Variants in CDK15 observed in about 807,000 individuals in gnomAD.
CDK15 encodes the protein cyclin-dependent kinase 15.
CDK15 carries 62 observed loss-of-function variants against 60.3 expected under a neutral mutation model. The observed-to-expected ratio is 1.03, with a 90% confidence interval of 0.84 to 1.27. The LOEUF (loss-of-function observed/expected upper bound fraction) is 1.27. Among genes scored for constraint, CDK15 ranks in the 50% most tolerant of loss-of-function variants. The pLI is 0.00. For synonymous variants in CDK15, 194 were observed against 195.7 expected, an observed-to-expected ratio of 0.99 and a Z score of 0.07; for missense variants, 541 against 527.8, an observed-to-expected ratio of 1.03 and a Z score of -0.25.
intron 9 of CDK15, among the ~76,000 whole-genome samples, chr2:201,852,808 A>G (rs1026295518): frequency 6.6e-6 from 1 of 152,254 alleles, no homozygotes; most frequent in African/African-American, 2.4e-5. Context: ...AAATTTCCAA[A>G]TAAAGTATAT....
intron 11 of CDK15, among the ~76,000 whole-genome samples, chr2:201,876,279 T>C (rs1699075651): frequency 6.6e-6 from 1 of 152,228 alleles, no homozygotes; most frequent in Admixed American, 6.5e-5. Context: ...AGCATAATGA[T>C]ACAAACACGG....
At chr2:201,839,663 TAGACAGAC>T (rs139883044) in intron 8 of CDK15, among the ~76,000 whole-genome samples, 18 of 146,860 alleles carry the variant, frequency 1.2e-4, no homozygotes, top group South Asian at 4.6e-4. Flanking sequence ...AGAAAAGATA[TAGACAGAC>T]AGACAGACAG....
Position 201,807,548 on chromosome 2 carries a change from C to T in CDK15, c.178C>T (p.Leu60Phe). Residue 60 changes from leucine to phenylalanine, a missense_variant, in exon 2 of 14, where the codon CTT becomes TTT. Transcript: ENST00000652192. ...CSMTSFHPRG[L>F]QAARAQKFKS... ...CATGACTTCATTTCACCCCAGGGGA[C>T]TTCAAGCTGCCCGTGCCCAGAAGTT... The T allele has an allele frequency of 6.2e-7, 1 of 1,614,174 alleles. No individual in the cohort carries two copies. Among genetic ancestry groups the T allele is most frequent in the Non-Finnish European group, 8.5e-7 (1 of 1,180,032 alleles).
At position 201,888,636 on chromosome 2, in the gene CDK15, G is replaced by A. The variant is rs553023313; in HGVS notation, c.1199-2149G>A. 861 of 1,403,554 alleles carry A rather than the reference G, an allele frequency of 6.1e-4. 1 individual carries two copies. Among genetic ancestry groups the A allele is most frequent in the Admixed American group, 7.4e-4 (23 of 31,144 alleles). The allele number at this position is 1,403,554 out of a possible 1,614,324, so 86.9% of individuals were successfully genotyped here. A position where few individuals can be genotyped will look rare whatever the true frequency, so the allele number is the denominator to read the frequency against. ...TTTTCTTTTTCTATGAGTTGGGAAGGAGAGTCTGGCAGTCCACAGCCAAAT... is the reference window on the plus strand; with the variant it reads ...TTTTCTTTTTCTATGAGTTGGGAAGAAGAGTCTGGCAGTCCACAGCCAAAT... On this transcript the variant is annotated intron_variant, in intron 12 of 13. Transcript: ENST00000652192.
intron 10 of CDK15, among the ~76,000 whole-genome samples, chr2:201,860,513 G>A (rs1698344228): frequency 6.6e-6 from 1 of 152,192 alleles, no homozygotes; most frequent in African/African-American, 2.4e-5. Context: ...TTTGTGACAT[G>A]AGCTCAGCCG....
chr2:201,872,227 C>T (rs755801588), intron 10 of CDK15, 51 bp from the exon 11 acceptor site: 6 of 1,580,600 alleles, frequency 3.8e-6, no homozygotes, highest in Non-Finnish European at 5.2e-6. Flanking sequence ...TATTTGGCAA[C>T]AGGGTTTTCG....
At chr2:201,876,341 G>A (rs2072504) in intron 11 of CDK15, among the ~76,000 whole-genome samples, 76,310 of 152,062 alleles carry the variant, frequency 0.5, 21,776 homozygotes, top group Non-Finnish European at 0.63. Flanking sequence ...TTGTTTTCCC[G>A]GGACTCTTTC....
chr2:201,854,398 T>A (rs1363420022), intron 9 of CDK15, among the ~76,000 whole-genome samples: 7 of 152,194 alleles, frequency 4.6e-5, no homozygotes, highest in Non-Finnish European at 8.8e-5. Flanking sequence ...GAATCCTTTT[T>A]AATTTGAGCA....
In CDK15 at chr2:201,875,516, A is replaced by C. The variant is rs550808529; in HGVS notation, c.1058+3190A>C. ...ATTTCTCTTTGAGAATATTTGTTAC[A>C]GCGTGATTTTAATAGTACTACCTCC... On this transcript the variant is annotated intron_variant, in intron 11 of 13. Transcript: ENST00000652192. Among the ~76,000 whole-genome samples the C allele has an allele frequency of 6.3e-4, 96 of 152,330 alleles. 1 individual carries two copies. Among genetic ancestry groups the C allele is most frequent in the African/African-American group, 2.3e-3 (96 of 41,586 alleles).
At chr2:201,811,341 G>A (rs1218467980) in intron 3 of CDK15, among the ~76,000 whole-genome samples, 1 of 151,976 alleles carries the variant, frequency 6.6e-6, no homozygotes, top group Non-Finnish European at 1.5e-5. Context: ...TAGTAGAGAC[G>A]GGGTTTCACT....
chr2:201,809,064 C>A (rs1171713058), intron 3 of CDK15, among the ~76,000 whole-genome samples: 2 of 152,130 alleles, frequency 1.3e-5, no homozygotes, highest in East Asian at 3.9e-4. Flanking sequence ...CTTTCTTAAT[C>A]TGTTTTAGTC....
intron 10 of CDK15, among the ~76,000 whole-genome samples, chr2:201,871,854 G>A (rs1214452816): frequency 6.6e-6 from 1 of 151,898 alleles, no homozygotes; most frequent in Non-Finnish European, 1.5e-5. Flanking sequence ...CTTGTTGATG[G>A]TCGTCTTCTC....
intron 10 of CDK15, chr2:201,861,674 C>A: frequency 6.6e-6 from 2 of 304,168 alleles, no homozygotes; most frequent in Non-Finnish European, 9.6e-6. Context: ...GGTTCTCCTG[C>A]TTCAGCCTCC....
At chr2:201,849,549 A>G (rs545894718) in intron 9 of CDK15, among the ~76,000 whole-genome samples, 140 of 149,268 alleles carry the variant, frequency 9.4e-4, no homozygotes, top group African/African-American at 2.7e-3. Context: ...GCCAAGGGGG[A>G]AAAAAAAAAG....
chr2:201,807,795 A>G, intron 2 of CDK15, 63 bp from the exon 3 acceptor site: 3 of 1,519,350 alleles, frequency 2.0e-6, no homozygotes, highest in East Asian at 4.5e-5. Flanking sequence ...AGTCAACACT[A>G]AAAAAAAGTG....
rs1206324003 is a variant in CDK15 at position 201,872,331 on chromosome 2, G to C, written c.1058+5G>C. ...CCTTCATGTTGTCTGGAACAGGTGA[G>C]TACTACCTCAGGAAGGGATCTTTAA... On this transcript the variant is annotated splice_donor_5th_base_variant and intron_variant, in intron 11 of 13. Transcript: ENST00000652192. 9.3e-6 allele frequency: 15 copies of C among 1,613,562 alleles called. No individual in the cohort carries two copies. Among genetic ancestry groups the C allele is most frequent in the African/African-American group, 2.7e-5 (2 of 74,890 alleles).
chr2:201,875,123 T>A (rs771901957), intron 11 of CDK15, among the ~76,000 whole-genome samples: 1 of 152,230 alleles, frequency 6.6e-6, no homozygotes, highest in African/African-American at 2.4e-5. Context: ...AAACTCAATT[T>A]TCATTTTTTC....
intron 11 of CDK15, 144 bp downstream of exon 11, chr2:201,872,470 C>A (rs1045072714): frequency 2.6e-6 from 2 of 780,528 alleles, no homozygotes; most frequent in Non-Finnish European, 4.3e-6. Context: ...CCTCTGGAAG[C>A]GCCAGACCCC....
rs547845064 is a variant in CDK15 at position 201,888,559 on chromosome 2, C to T, written c.1199-2226C>T. The T allele has an allele frequency of 1.2e-5, 17 of 1,468,578 alleles. No homozygotes were observed. The Admixed American group carries it at 1.4e-4, about 12-fold the overall frequency. The allele number at this position is 1,468,578 out of a possible 1,614,324, so 91.0% of individuals were successfully genotyped here. On this transcript the variant is annotated intron_variant, in intron 12 of 13. Coordinates refer to ENST00000652192, the MANE Select transcript of CDK15 (RefSeq NM_001366386.2). The stretch of plus-strand genomic sequence containing the variant: ...ATTTGTGAGATTGCTGAAGGAGAGC[C>T]GCGCTGCAGCTTTTTTCGTTTTTTA...
Sources: gnomAD v4.1 joint callset for allele counts (sites outside exome capture counted in the v4.1 genomes callset) on GRCh38, gnomAD v4.1.1 for gene constraint, MANE v1.5 for transcripts, NCBI Gene and HGNC (gene_info 2026-07-23, HGNC 2026-07-21) for gene names.